CCDC30: variants seen among roughly 807,000 people sequenced by gnomAD.
The protein encoded by CCDC30 is coiled-coil domain-containing protein 30.
CCDC30 carries 70 observed loss-of-function variants against 100.2 expected under a neutral mutation model. The ratio of observed to expected loss-of-function variants is 0.70; its 90% confidence interval spans 0.58 to 0.85. The LOEUF (loss-of-function observed/expected upper bound fraction) is 0.85. CCDC30 is among the 40% of genes least tolerant of loss of function. CCDC30 has a pLI of 0.00. For missense variants in CCDC30, 652 were observed against 771.2 expected, an observed-to-expected ratio of 0.85 and a Z score of 1.83; for synonymous variants, 233 against 269.5, an observed-to-expected ratio of 0.86 and a Z score of 1.33.
At chr1:42,643,653 A>G (rs568607701) in intron 13 of CCDC30, among the ~76,000 whole-genome samples, 1 of 147,270 alleles carries the variant, frequency 6.8e-6, no homozygotes, top group South Asian at 2.2e-4. Context: ...AGTTTCTTCC[A>G]AGGAGTATTT....
intron 6 of CCDC30, among the ~76,000 whole-genome samples, chr1:42,519,998 T>C (rs1320163483): frequency 1.3e-5 from 2 of 152,200 alleles, no homozygotes; most frequent in Non-Finnish European, 2.9e-5. Context: ...GAGTCTTCTC[T>C]CTTTTTTCTT....
At chr1:42,588,641 T>C (rs886100657) in intron 9 of CCDC30, among the ~76,000 whole-genome samples, 1 of 152,186 alleles carries the variant, frequency 6.6e-6, no homozygotes, top group Non-Finnish European at 1.5e-5. Flanking sequence ...TGTTGTTATA[T>C]TCCTCAATCT....
intron 7 of CCDC30, among the ~76,000 whole-genome samples, chr1:42,573,210 C>T (rs1645769554): frequency 6.6e-6 from 1 of 152,146 alleles, no homozygotes; most frequent in Admixed American, 6.5e-5. Flanking sequence ...GTTGGAATTA[C>T]ATTGAATCTA....
chr1:42,523,544 T>C (rs1644679377), intron 6 of CCDC30, among the ~76,000 whole-genome samples: 2 of 152,220 alleles, frequency 1.3e-5, no homozygotes, highest in African/African-American at 2.4e-5. Context: ...TTCAACGGTT[T>C]GATTATAATG....
intron 1 of CCDC30, among the ~76,000 whole-genome samples, chr1:42,468,068 A>G (rs932716792): frequency 6.6e-6 from 1 of 152,202 alleles, no homozygotes; most frequent in African/African-American, 2.4e-5. Context: ...ATTCCTGTGT[A>G]GCCACATTTA....
the CCDC30 span, chr1:42,457,608 C>A: frequency 5.9e-5 from 29 of 488,780 alleles, no homozygotes; most frequent in Middle Eastern, 1.7e-3. Context: ...CGAGTGAATC[C>A]TGGGGGAGTC....
At chr1:42,496,174 C>G (rs947466538) in intron 4 of CCDC30, among the ~76,000 whole-genome samples, 1 of 149,608 alleles carries the variant, frequency 6.7e-6, no homozygotes. Context: ...CACAGGACCT[C>G]TGTGAGCTGG....
chr1:42,491,531 AC>A (rs1644141941), intron 4 of CCDC30, among the ~76,000 whole-genome samples: 1 of 152,004 alleles, frequency 6.6e-6, no homozygotes, highest in Non-Finnish European at 1.5e-5. Context: ...AAAGAATAAG[AC>A]CTAGTATTTG....
chr1:42,556,298 A>G, intron 6 of CCDC30: 1 of 1,614,100 alleles, frequency 6.2e-7, no homozygotes, highest in South Asian at 1.1e-5. Flanking sequence ...GCAGTTAACC[A>G]TGAAGCCTGA....
chr1:42,549,039 G>A (rs1323379288), intron 6 of CCDC30, among the ~76,000 whole-genome samples: 2 of 152,140 alleles, frequency 1.3e-5, no homozygotes, highest in Admixed American at 6.5e-5. Context: ...AGAACTGGAA[G>A]GACCTTCAGG....
chr1:42,580,620 G>A (rs556847996), intron 8 of CCDC30, among the ~76,000 whole-genome samples: 4 of 151,862 alleles, frequency 2.6e-5, no homozygotes, highest in African/African-American at 4.8e-5. Flanking sequence ...AAAATGTGGG[G>A]GTTTTTTGCT....
intron 6 of CCDC30, among the ~76,000 whole-genome samples, chr1:42,532,798 CCT>C (rs1644827055): frequency 6.6e-6 from 1 of 152,028 alleles, no homozygotes; most frequent in Non-Finnish European, 1.5e-5. Context: ...ACGGAGTCTC[CCT>C]CTGTCGCCCA....
intron 6 of CCDC30, among the ~76,000 whole-genome samples, chr1:42,529,206 GCTCA>G (rs1252301942): frequency 2.6e-5 from 4 of 152,230 alleles, no homozygotes; most frequent in African/African-American, 9.6e-5. Flanking sequence ...TGCTGCGGTG[GCTCA>G]CGCCTGTAAT....
At chr1:42,587,829 T>C (rs1486834429) in intron 9 of CCDC30, among the ~76,000 whole-genome samples, 2 of 152,200 alleles carry the variant, frequency 1.3e-5, no homozygotes, top group African/African-American at 4.8e-5. Context: ...CTCAGAAAAC[T>C]CTTTTCACAA....
chr1:42,536,556 A>C (rs1362544008), intron 6 of CCDC30: 1 of 1,613,626 alleles, frequency 6.2e-7, no homozygotes, highest in Non-Finnish European at 8.5e-7. Context: ...AGCAGTTGGC[A>C]TCTGGTCTTG....
intron 8 of CCDC30, among the ~76,000 whole-genome samples, chr1:42,577,903 G>A (rs922363374): frequency 5.3e-5 from 8 of 152,282 alleles, no homozygotes; most frequent in African/African-American, 1.9e-4. Flanking sequence ...GCCTCCCAAA[G>A]TGCTGGGATT....
chr1:42,641,620 C>T (rs1243609910), intron 12 of CCDC30, among the ~76,000 whole-genome samples: 1 of 151,814 alleles, frequency 6.6e-6, no homozygotes, highest in Non-Finnish European at 1.5e-5. Flanking sequence ...TAATCCCAAA[C>T]CTTTGGGAGG....
Position 42,641,565 on chromosome 1 carries a change from C to CAA in CCDC30, c.1420-900_1420-899dup, listed in dbSNP as rs200184915. The stretch of plus-strand genomic sequence containing the variant: ...GATCCTGTCTAAAAAAACAAAAAAA[C>CAA]AAAAAAAAACAAAAAAAACAGCTGG... On this transcript the variant is annotated intron_variant, in intron 12 of 16. Transcript: ENST00000668663. Among the ~76,000 whole-genome samples the CAA allele has an allele frequency of 3.2e-4, 47 of 148,726 alleles. 1 individual carries two copies. Among genetic ancestry groups the CAA allele is most frequent in the African/African-American group, 8.9e-4 (36 of 40,578 alleles).
Position 42,536,674 on chromosome 1 carries a change from A to G in CCDC30, c.457-29622A>G, listed in dbSNP as rs113801055. ...AGGGATTTCATGTTATCATTTTTAA[A>G]TAAAGTATAACTATGTGTCTCAGCT... On this transcript the variant is annotated intron_variant, in intron 6 of 16. Transcript: ENST00000668663. 105 of 1,152,986 alleles carry G rather than the reference A, an allele frequency of 9.1e-5. No individual in the cohort carries two copies. The African/African-American group carries it at 1.1e-3, about 12-fold the overall frequency. 71.4% of individuals were successfully genotyped at this position (1,152,986 alleles called of 1,614,324 possible).
Sources: allele counts gnomAD v4.1 joint callset (sites outside exome capture counted in the v4.1 genomes callset), GRCh38; gene constraint gnomAD v4.1.1; transcripts MANE v1.5; gene names NCBI Gene and HGNC (gene_info 2026-07-23, HGNC 2026-07-21).